The following RBFOX1 variants were observed in gnomAD, a reference collection of about 807,000 sequenced individuals.
The protein encoded by RBFOX1 is RNA binding fox-1 homolog 1.
In RBFOX1, 8 loss-of-function variants were observed where a neutral mutation model predicts 57.7. The ratio of observed to expected loss-of-function variants is 0.14; its 90% CI spans 0.08 to 0.25. The LOEUF is 0.25. Ranked by LOEUF, RBFOX1 falls within the 10% of genes least tolerant of loss-of-function variation. RBFOX1 has a pLI of 1.00. For synonymous variants in RBFOX1, 326 were observed against 222.4 expected (o/e 1.47, Z -4.15); for missense variants, 611 against 548.5 (o/e 1.11, Z -1.14).
chr16:7,697,933 A>G (rs756467694), intron 14 of RBFOX1, among the ~76,000 whole-genome samples: 16 of 152,176 alleles, frequency 1.1e-4, no homozygotes, highest in Non-Finnish European at 1.8e-4. Context: ...CCCTTCAGGC[A>G]GCAGGCATAT....
At chr16:6,781,529 G>C (rs74762027) in intron 3 of RBFOX1, among the ~76,000 whole-genome samples, 1 of 143,140 alleles carries the variant, frequency 7.0e-6, no homozygotes, top group Non-Finnish European at 1.5e-5. Context: ...ATATTTGGTA[G>C]AATTCAACAG....
chr16:5,241,229 T>C (rs2062159873), intron 1 of RBFOX1, among the ~76,000 whole-genome samples: 2 of 152,188 alleles, frequency 1.3e-5, no homozygotes, highest in Admixed American at 6.5e-5. Flanking sequence ...CATCCTCATC[T>C]CCCCGTGCAC....
intron 2 of RBFOX1, among the ~76,000 whole-genome samples, chr16:6,621,330 G>A (rs1188502307): frequency 1.3e-5 from 2 of 152,160 alleles, no homozygotes; most frequent in East Asian, 3.9e-4. Flanking sequence ...CAGGTGTGGT[G>A]GCAGGCGCCT....
intron 1 of RBFOX1, among the ~76,000 whole-genome samples, chr16:5,326,127 C>T (rs886856011): frequency 7.9e-5 from 12 of 152,152 alleles, no homozygotes; most frequent in South Asian, 2.1e-4. Context: ...CACTTGGTAT[C>T]GTCAGCATTT....
At chr16:7,234,726 A>T (rs566682453) in intron 4 of RBFOX1, among the ~76,000 whole-genome samples, 7 of 150,740 alleles carry the variant, frequency 4.6e-5, no homozygotes, top group African/African-American at 1.7e-4. Context: ...TGCTTTCACC[A>T]AATCCTTGTA....
At chr16:6,750,086 GTATAGGGT>G (rs1475381430) in intron 3 of RBFOX1, among the ~76,000 whole-genome samples, 1 of 152,138 alleles carries the variant, frequency 6.6e-6, no homozygotes, top group Non-Finnish European at 1.5e-5. Context: ...CAGTCGAGGT[GTATAGGGT>G]TATGATCTTT....
At chr16:6,401,355 A>G (rs2093060533) in intron 2 of RBFOX1, among the ~76,000 whole-genome samples, 1 of 152,220 alleles carries the variant, frequency 6.6e-6, no homozygotes, top group Admixed American at 6.5e-5. Flanking sequence ...TTAGAAAATG[A>G]AAAATTCTTC....
At chr16:7,442,468 C>G (rs918378138) in intron 4 of RBFOX1, among the ~76,000 whole-genome samples, 1 of 152,124 alleles carries the variant, frequency 6.6e-6, no homozygotes, top group Non-Finnish European at 1.5e-5. Context: ...CCCTGTGTCT[C>G]AGGGCTCAAG....
chr16:6,383,109 TG>T, intron 2 of RBFOX1, among the ~76,000 whole-genome samples: 1 of 152,326 alleles, frequency 6.6e-6, no homozygotes, highest in Non-Finnish European at 1.5e-5. Flanking sequence ...CAAATTCTCA[TG>T]CTTTCTCCAA....
intron 2 of RBFOX1, among the ~76,000 whole-genome samples, chr16:6,374,791 C>A (rs2090953264): frequency 6.6e-6 from 1 of 152,300 alleles, no homozygotes; most frequent in Non-Finnish European, 1.5e-5. Context: ...TTATAAAACA[C>A]CTTCCTTTGA....
At chr16:7,575,584 G>A (rs570466645) in intron 5 of RBFOX1, among the ~76,000 whole-genome samples, 93 of 152,292 alleles carry the variant, frequency 6.1e-4, no homozygotes, top group African/African-American at 2.1e-3. Context: ...AATGAGGCAA[G>A]GCATGATTCC....
At chr16:5,877,827 A>C (rs1454163448) in intron 4 of RBFOX1, among the ~76,000 whole-genome samples, 1 of 152,242 alleles carries the variant, frequency 6.6e-6, no homozygotes, top group Non-Finnish European at 1.5e-5. Flanking sequence ...GGTTGTTGCC[A>C]TGGCAAGGGC....
chr16:5,440,474 G>A (rs1041837058), intron 1 of RBFOX1, among the ~76,000 whole-genome samples: 98 of 152,210 alleles, frequency 6.4e-4, no homozygotes, highest in Non-Finnish European at 9.4e-4. Flanking sequence ...AAGGACTAAA[G>A]TCTCTAGGAC....
chr16:7,626,511 C>T (rs979116222), intron 10 of RBFOX1, among the ~76,000 whole-genome samples: 1 of 152,090 alleles, frequency 6.6e-6, no homozygotes, highest in South Asian at 2.1e-4. Context: ...GGAACGGGCT[C>T]TGATTATTCT....
At chr16:6,949,477 A>C (rs943101786) in intron 3 of RBFOX1, among the ~76,000 whole-genome samples, 3 of 152,116 alleles carry the variant, frequency 2.0e-5, no homozygotes, top group Admixed American at 6.6e-5. Flanking sequence ...ACCCTTCTGG[A>C]GGCTGGAAAT....
intron 4 of RBFOX1, among the ~76,000 whole-genome samples, chr16:7,331,881 C>T (rs1461935292): frequency 6.6e-6 from 1 of 152,046 alleles, no homozygotes; most frequent in Non-Finnish European, 1.5e-5. Flanking sequence ...TAACATATCC[C>T]AAATGATTGC....
At chr16:5,769,169 C>T (rs1273299307) in intron 3 of RBFOX1, among the ~76,000 whole-genome samples, 1 of 152,086 alleles carries the variant, frequency 6.6e-6, no homozygotes, top group Non-Finnish European at 1.5e-5. Flanking sequence ...ATGGGAAACA[C>T]CTTATGAATA....
At chr16:6,940,042 C>G (rs2078086998) in intron 3 of RBFOX1, among the ~76,000 whole-genome samples, 2 of 152,154 alleles carry the variant, frequency 1.3e-5, no homozygotes, top group Admixed American at 6.5e-5. Flanking sequence ...GGGCAAAACC[C>G]TGTCTCTACT....
At chr16:7,479,126 TTTAA>T (rs2063352314) in intron 4 of RBFOX1, among the ~76,000 whole-genome samples, 1 of 150,032 alleles carries the variant, frequency 6.7e-6, no homozygotes, top group African/African-American at 2.4e-5. Flanking sequence ...TTTTTTTTTT[TTTAA>T]TTTTAATTTT....
Sources: allele counts gnomAD v4.1 joint callset (sites outside exome capture counted in the v4.1 genomes callset), GRCh38; gene constraint gnomAD v4.1.1; transcripts MANE v1.5; gene names NCBI Gene and HGNC (gene_info 2026-07-23, HGNC 2026-07-21).